The following PCDHGA3 variants were observed in gnomAD, a reference collection of about 807,000 sequenced individuals.
The protein encoded by PCDHGA3 is protocadherin gamma-A3.
In PCDHGA3, 40 loss-of-function variants were observed where a neutral mutation model predicts 58.5. The ratio of observed to expected loss-of-function variants is 0.68; its 90% CI spans 0.53 to 0.89. The LOEUF is 0.89. Among genes scored for constraint, PCDHGA3 ranks in the 40% least tolerant of loss-of-function variants. The pLI, the probability that PCDHGA3 is intolerant of heterozygous loss-of-function variation, is 0.00. For missense variants in PCDHGA3, 1,223 were observed against 1,195.9 expected (o/e 1.02, Z -0.33); for synonymous variants, 530 against 525.7 (o/e 1.01, Z -0.11).
chr5:141,481,730 G>A (rs778885944), intron 1 of PCDHGA3, among the ~76,000 whole-genome samples: 1 of 151,952 alleles, frequency 6.6e-6, no homozygotes, highest in African/African-American at 2.4e-5. Context: ...GAGGCGGGCG[G>A]ATCACGAGGT....
intron 3 of PCDHGA3, among the ~76,000 whole-genome samples, chr5:141,510,584 C>T (rs2099881791): frequency 1.3e-5 from 2 of 152,184 alleles, no homozygotes. Flanking sequence ...TTTTACGTAC[C>T]TGACATACAT....
At chr5:141,370,485 G>A (rs905115445) in intron 1 of PCDHGA3, 1 of 1,613,916 alleles carries the variant, frequency 6.2e-7, no homozygotes. Context: ...GGCTCTCTCC[G>A]AACCGATCCG....
intron 3 of PCDHGA3, among the ~76,000 whole-genome samples, chr5:141,510,531 T>C (rs1459536719): frequency 6.6e-6 from 1 of 152,078 alleles, no homozygotes; most frequent in Non-Finnish European, 1.5e-5. Context: ...CTGAGAGAAA[T>C]ACCAGCGAAT....
chr5:141,389,112 C>T (rs376966829), intron 1 of PCDHGA3: 22 of 1,613,964 alleles, frequency 1.4e-5, no homozygotes, highest in Non-Finnish European at 1.9e-5. Context: ...TGTTCTAGAC[C>T]GCGAGCAGAA....
At position 141,487,219 on chromosome 5, in the gene PCDHGA3, A is replaced by G. The variant is rs750819958; in HGVS notation, c.2425-7588A>G. ...CAGATCTTCGAGAATCTTCAGCTCC[A>G]AGGGAAGGAGAATCTCGTCTAACCC... On this transcript the variant is annotated intron_variant, in intron 1 of 3. Transcript: ENST00000253812. This position sits in a 1 kb window ranked among gnomAD's most constrained non-coding sequence, Gnocchi z 5.0. The G allele has an allele frequency of 1.2e-6, 2 of 1,613,952 alleles. No individual in the cohort carries two copies. The highest frequency in any genetic ancestry group is 3.3e-5 in the Admixed American group (2 of 60,020).
At chr5:141,468,746 G>A (rs1298497433) in intron 1 of PCDHGA3, among the ~76,000 whole-genome samples, 1 of 151,850 alleles carries the variant, frequency 6.6e-6, no homozygotes, top group Non-Finnish European at 1.5e-5. Flanking sequence ...GGTGCCTGTA[G>A]TCCCAGCTAC....
intron 1 of PCDHGA3, among the ~76,000 whole-genome samples, chr5:141,438,626 A>G (rs1309857700): frequency 2.3e-5 from 1 of 43,566 alleles, no homozygotes; most frequent in Non-Finnish European, 3.7e-5. Flanking sequence ...ATATATATAT[A>G]TATATATATA....
chr5:141,345,126 G>C lies in PCDHGA3; in HGVS notation c.1093G>C (p.Glu365Gln), dbSNP rs1757523003. 1 of 1,613,884 alleles carries C rather than the reference G, an allele frequency of 6.2e-7. No homozygotes were observed. Among genetic ancestry groups the C allele is most frequent in the African/African-American group, 1.3e-5 (1 of 74,920 alleles). Residue 365 changes from glutamate (E) to glutamine (Q), a missense_variant, in exon 1 of 4, where the codon GAA (glutamate) becomes CAA (glutamine). By Grantham distance (29) the Glu-to-Gln change is conservative. Coordinates refer to ENST00000253812, the MANE Select transcript of PCDHGA3 (RefSeq NM_018916.4). ...SVPEEGTVGR[E>Q]IALIDVHDRD... is the part of the protein sequence containing the mutation. ...CCCAGAAGAGGGCACCGTTGGAAGA[G>C]AAATTGCTCTTATCGACGTGCATGA...
chr5:141,413,762 C>T (rs538764130), intron 1 of PCDHGA3: 3 of 1,612,894 alleles, frequency 1.9e-6, no homozygotes, highest in Admixed American at 1.7e-5. Flanking sequence ...GTCAAGTACC[C>T]GGAGCTGGTA....
chr5:141,394,252 A>G, intron 1 of PCDHGA3: 1 of 1,613,902 alleles, frequency 6.2e-7, no homozygotes, highest in Non-Finnish European at 8.5e-7. Flanking sequence ...CACGACCCCG[A>G]CAGCCAGGAG....
chr5:141,488,711 A>G (rs184498001), intron 1 of PCDHGA3, among the ~76,000 whole-genome samples: 100 of 152,290 alleles, frequency 6.6e-4, no homozygotes, highest in Non-Finnish European at 1.2e-3. Context: ...TGCTGGTTCA[A>G]GCAAAGTGGT....
intron 1 of PCDHGA3, chr5:141,421,577 T>C (rs1385519860): frequency 1.4e-5 from 22 of 1,613,748 alleles, no homozygotes; most frequent in Non-Finnish European, 1.5e-5. Context: ...ACCTTGAAGA[T>C]TTACGGAGTG....
intron 1 of PCDHGA3, chr5:141,375,002 CTAGACTAT>C (rs1771028356): frequency 6.2e-7 from 1 of 1,613,890 alleles, no homozygotes; most frequent in Non-Finnish European, 8.5e-7. Flanking sequence ...TTCTGCAAAT[CTAGACTAT>C]GAGGACTCGA....
At position 141,431,203 on chromosome 5, in the gene PCDHGA3, T is replaced by C. The variant is rs139061906; in HGVS notation, c.2425-63604T>C. On this transcript the variant is annotated intron_variant, in intron 1 of 3. Coordinates refer to ENST00000253812, the MANE Select transcript of PCDHGA3 (RefSeq NM_018916.4). This position sits in a 1 kb window ranked among gnomAD's most constrained non-coding sequence, Gnocchi z 4.8. ...TAAAAATTAGTGAAAATGCAGCCACTGAGATGCGGTTCCCTCTACCCCACG... is the reference window on the plus strand; with the variant it reads ...TAAAAATTAGTGAAAATGCAGCCACCGAGATGCGGTTCCCTCTACCCCACG... The C allele has an allele frequency of 3.1e-6, 5 of 1,614,116 alleles. No individual in the cohort carries two copies. The highest frequency in any genetic ancestry group is 1.1e-5 in the South Asian group (1 of 91,090).
At chr5:141,482,876 AGCCTG>A (rs2099574018) in intron 1 of PCDHGA3, among the ~76,000 whole-genome samples, 1 of 152,142 alleles carries the variant, frequency 6.6e-6, no homozygotes, top group Admixed American at 6.5e-5. Flanking sequence ...GTTTGAAACC[AGCCTG>A]GCCAACATGG....
intron 1 of PCDHGA3, among the ~76,000 whole-genome samples, chr5:141,444,733 G>A (rs1464370133): frequency 6.6e-6 from 1 of 152,106 alleles, no homozygotes; most frequent in Non-Finnish European, 1.5e-5. Flanking sequence ...TTTGTTGAAA[G>A]TCATTTCACT....
At chr5:141,348,047 T>A (rs149122674) in intron 1 of PCDHGA3, among the ~76,000 whole-genome samples, 277 of 152,316 alleles carry the variant, frequency 1.8e-3, no homozygotes, top group Middle Eastern at 0.014. Context: ...GGAATAGAAG[T>A]CCCTTCTTTT....
chr5:141,352,858 C>A (rs889457507), intron 1 of PCDHGA3, among the ~76,000 whole-genome samples: 4 of 152,006 alleles, frequency 2.6e-5, no homozygotes, highest in African/African-American at 7.2e-5. Context: ...TGTGGTGGCA[C>A]GCGCCTGTAG....
intron 1 of PCDHGA3, among the ~76,000 whole-genome samples, chr5:141,368,858 A>G (rs1283174672): frequency 6.6e-6 from 1 of 152,158 alleles, no homozygotes; most frequent in Non-Finnish European, 1.5e-5. Context: ...TTGCTTTGGA[A>G]TGTTTTGGAG....
Sources: gnomAD v4.1 joint callset for allele counts (sites outside exome capture counted in the v4.1 genomes callset) on GRCh38, gnomAD v4.1.1 for gene constraint, Gnocchi (gnomAD v3.1) non-coding constraint, MANE v1.5 for transcripts, NCBI Gene and HGNC (gene_info 2026-07-23, HGNC 2026-07-21) for gene names.